LRP1B: variants seen among roughly 807,000 people sequenced by gnomAD.
The protein encoded by LRP1B is low-density lipoprotein receptor-related protein 1B.
In LRP1B, 217 loss-of-function variants were observed where a neutral mutation model predicts 556.6. The ratio of observed to expected loss-of-function variants is 0.39; its 90% confidence interval spans 0.35 to 0.44. The LOEUF (loss-of-function observed/expected upper bound fraction) is 0.44, where lower values mean the gene tolerates loss of function less well. Ranked by LOEUF, LRP1B falls within the 20% of genes least tolerant of loss-of-function variation. The pLI, the probability that LRP1B is intolerant of heterozygous loss-of-function variation, is 1.00. For missense variants in LRP1B, 5,053 were observed against 5,620.8 expected (o/e 0.90, Z 3.23); for synonymous variants, 2,047 against 1,865.8 (o/e 1.10, Z -2.50).
intron 3 of LRP1B, among the ~76,000 whole-genome samples, chr2:141,464,627 T>C (rs1211545946): frequency 2.1e-5 from 3 of 142,174 alleles, no homozygotes; most frequent in Non-Finnish European, 4.6e-5. Flanking sequence ...AGAGATGGGG[T>C]TTCACCGTGT....
intron 7 of LRP1B, among the ~76,000 whole-genome samples, chr2:141,104,111 CTT>C (rs1242461386): frequency 3.9e-5 from 6 of 152,004 alleles, no homozygotes; most frequent in African/African-American, 1.4e-4. Flanking sequence ...CTGGGTCAAA[CTT>C]TTCTTAAAAA....
At position 141,442,628 on chromosome 2, in the gene LRP1B, G is replaced by A. The variant is rs1681025473; in HGVS notation, c.343+37768C>T. ...CAGTGTGTGATGTTCCCCTCCCTGTGTCCTTGTGTTCTCATTGTTCAACTC... is the reference window on the plus strand; with the variant it reads ...CAGTGTGTGATGTTCCCCTCCCTGTATCCTTGTGTTCTCATTGTTCAACTC... On this transcript the variant is annotated intron_variant, in intron 3 of 90. Transcript: ENST00000389484. Among the ~76,000 whole-genome samples the A allele has an allele frequency of 3.3e-5, 5 of 152,006 alleles. No individual in the cohort carries two copies. In the South Asian group the frequency reaches 1.0e-3, roughly 32 times the overall value.
chr2:141,782,047 G>A (rs1170861262), intron 2 of LRP1B, among the ~76,000 whole-genome samples: 1 of 152,086 alleles, frequency 6.6e-6, no homozygotes, highest in African/African-American at 2.4e-5. Context: ...CCTCAAGACT[G>A]AGGAATATTG....
intron 71 of LRP1B, among the ~76,000 whole-genome samples, chr2:140,365,583 T>G (rs1573850810): frequency 6.6e-6 from 1 of 151,788 alleles, no homozygotes; most frequent in Middle Eastern, 3.4e-3. Flanking sequence ...TTGCTTTGGA[T>G]AACTCTATTA....
chr2:140,639,539 T>G (rs557954289), intron 41 of LRP1B, among the ~76,000 whole-genome samples: 1 of 152,330 alleles, frequency 6.6e-6, no homozygotes, highest in African/African-American at 2.4e-5. Context: ...TAAAAAATTC[T>G]TTCTGATTTC....
At chr2:141,206,343 A>C (rs1225956679) in intron 6 of LRP1B, among the ~76,000 whole-genome samples, 1 of 152,116 alleles carries the variant, frequency 6.6e-6, no homozygotes. Flanking sequence ...GCACTTTGGA[A>C]GGCCGAGGCG....
intron 49 of LRP1B, among the ~76,000 whole-genome samples, chr2:140,517,968 C>T (rs928825849): frequency 6.6e-6 from 1 of 152,032 alleles, no homozygotes; most frequent in African/African-American, 2.4e-5. Flanking sequence ...CTCGGCCTCC[C>T]AAAGTGCTGG....
In LRP1B at chr2:140,504,852, T is replaced by C. The variant is rs114119854; in HGVS notation, c.8522-1749A>G. On this transcript the variant is annotated intron_variant, in intron 53 of 90. Transcript: ENST00000389484. Reference sequence around the variant, plus strand: ...ACTATCACAATAACCCCCTAACTAGTTTATTTCCCTCTATGGCTCCTTTGC... The same window carrying C: ...ACTATCACAATAACCCCCTAACTAGCTTATTTCCCTCTATGGCTCCTTTGC... Among the ~76,000 whole-genome samples the C allele has an allele frequency of 4.1e-3, 624 of 152,272 alleles. 6 individuals are homozygous for C. The highest frequency in any genetic ancestry group is 0.014 in the African/African-American group (583 of 41,562).
rs370353437 is a variant in LRP1B at position 140,908,038 on chromosome 2, A to C, written c.3359T>G (p.Ile1120Ser). The C allele has an allele frequency of 2.0e-5, 32 of 1,613,302 alleles. No homozygotes were observed. The highest frequency in any genetic ancestry group is 2.7e-5 in the Non-Finnish European group (32 of 1,179,636). Residue 1120 changes from isoleucine to serine, a missense_variant, in exon 22 of 91, where the codon ATT (isoleucine) becomes AGT (serine). Coordinates refer to ENST00000389484, the MANE Select transcript of LRP1B (RefSeq NM_018557.3). Reference protein sequence around the residue: ...INKAWVCDGDIDCEDQSDEDD... With the variant: ...INKAWVCDGDSDCEDQSDEDD... ...TTCATCTGACTGATCTTCGCAATCA[A>C]TATCTCCATCACACACCCATGCTTT...
At chr2:140,691,347 T>G (rs1686233135) in intron 41 of LRP1B, among the ~76,000 whole-genome samples, 1 of 151,996 alleles carries the variant, frequency 6.6e-6, no homozygotes, top group Non-Finnish European at 1.5e-5. Flanking sequence ...GGCACATGCC[T>G]ATAATCCCAG....
At chr2:141,528,765 G>T (rs1442909776) in intron 2 of LRP1B, among the ~76,000 whole-genome samples, 1 of 152,072 alleles carries the variant, frequency 6.6e-6, no homozygotes, top group Non-Finnish European at 1.5e-5. Flanking sequence ...CCCTGGTTGA[G>T]CTACTGCTGA....
intron 6 of LRP1B, among the ~76,000 whole-genome samples, chr2:141,212,577 C>T (rs190921359): frequency 2.9e-4 from 44 of 151,596 alleles, no homozygotes; most frequent in Admixed American, 2.9e-3. Context: ...AGCGACCATG[C>T]CGGCCAAAAA....
chr2:141,307,787 A>G (rs1686652388), intron 3 of LRP1B, among the ~76,000 whole-genome samples: 1 of 152,140 alleles, frequency 6.6e-6, no homozygotes, highest in Admixed American at 6.6e-5. Flanking sequence ...CCATATGGGA[A>G]GATTCTTGGG....
chr2:141,348,655 A>G (rs1406524537), intron 3 of LRP1B, among the ~76,000 whole-genome samples: 4 of 152,060 alleles, frequency 2.6e-5, no homozygotes, highest in African/African-American at 9.7e-5. Context: ...TCTTTAAAAC[A>G]GTATTACTCA....
At chr2:141,226,989 T>G (rs1683274200) in intron 6 of LRP1B, among the ~76,000 whole-genome samples, 1 of 152,208 alleles carries the variant, frequency 6.6e-6, no homozygotes, top group Admixed American at 6.5e-5. Context: ...AACTTATTTT[T>G]TATTATTCAA....
At chr2:140,754,711 A>G (rs1370151058) in intron 35 of LRP1B, among the ~76,000 whole-genome samples, 5 of 151,936 alleles carry the variant, frequency 3.3e-5, no homozygotes, top group Non-Finnish European at 1.5e-5. Context: ...GCAAATGCCT[A>G]CATTATACAA....
chr2:140,959,333 C>G lies in LRP1B; in HGVS notation c.2888-7393G>C, dbSNP rs529671048. Among the ~76,000 whole-genome samples the G allele has an allele frequency of 2.2e-4, 33 of 151,420 alleles. 1 individual carries two copies. The highest frequency in any genetic ancestry group is 7.0e-3 in the Middle Eastern group (2 of 286). ...ATACATAAATATTGATAGGAAGAAA[C>G]TAGTTGACTGAAAAACTGAATAGGA... On this transcript the variant is annotated intron_variant, in intron 18 of 90. Coordinates refer to ENST00000389484, the MANE Select transcript of LRP1B (RefSeq NM_018557.3).
intron 77 of LRP1B, among the ~76,000 whole-genome samples, chr2:140,345,889 C>A (rs1320917305): frequency 1.4e-5 from 2 of 141,144 alleles, no homozygotes; most frequent in African/African-American, 5.3e-5. Flanking sequence ...AAAAAAATAG[C>A]ATTACTTCTT....
Position 140,526,280 on chromosome 2 carries a change from G to A in LRP1B, c.7833C>T (p.Asn2611=), listed in dbSNP as rs765255365. The change falls in exon 48 of 91, where the codon AAC becomes AAT. Residue 2611 remains asparagine, a synonymous_variant. Transcript: ENST00000389484. The part of the protein sequence containing the change: ...GTCIPRSARC[N]QNIDCADASD... ...AAGCATCTGCACAATCTATGTTCTG[G>A]TTGCATCGTGCTGATCTTGGAATAC... 6.2e-7 allele frequency: 1 copy of A among 1,611,918 alleles called. No individual in the cohort carries two copies. The highest frequency in any genetic ancestry group is 2.2e-5 in the East Asian group (1 of 44,818).
Sources: gnomAD v4.1 joint callset for allele counts (sites outside exome capture counted in the v4.1 genomes callset) on GRCh38, gnomAD v4.1.1 for gene constraint, MANE v1.5 for transcripts, NCBI Gene and HGNC (gene_info 2026-07-23, HGNC 2026-07-21) for gene names.